Variants in PPARGC1B observed in about 807,000 individuals in gnomAD.
The protein encoded by PPARGC1B is peroxisome proliferator-activated receptor gamma coactivator 1-beta.
Under a neutral mutation model 101.6 loss-of-function variants are expected in PPARGC1B, and 34 were observed. The observed-to-expected ratio is 0.33, with a 90% CI of 0.25 to 0.45. The LOEUF is 0.45. PPARGC1B is among the 20% of genes least tolerant of loss of function. The pLI, the probability that PPARGC1B is intolerant of heterozygous loss-of-function variation, is 1.00. For synonymous variants in PPARGC1B, 548 were observed against 539.3 expected (o/e 1.02, Z -0.22); for missense variants, 1,234 against 1,317.6 (o/e 0.94, Z 0.98).
At chr5:149,750,507 G>A (rs939704032) in intron 1 of PPARGC1B, among the ~76,000 whole-genome samples, 1 of 131,454 alleles carries the variant, frequency 7.6e-6, no homozygotes, top group Admixed American at 7.8e-5. Flanking sequence ...GGGGAAGGAA[G>A]GTGTCAGTGA....
chr5:149,825,866 A>G (rs1758498389), intron 2 of PPARGC1B, among the ~76,000 whole-genome samples: 1 of 152,190 alleles, frequency 6.6e-6, no homozygotes, highest in African/African-American at 2.4e-5. Context: ...GAAATCGTGT[A>G]ACAGTAGCAG....
intron 1 of PPARGC1B, among the ~76,000 whole-genome samples, chr5:149,778,660 A>G (rs1228378555): frequency 3.9e-5 from 6 of 152,160 alleles, no homozygotes; most frequent in African/African-American, 1.2e-4. Context: ...GGGCCCTCAT[A>G]GAGCAAGGCT....
chr5:149,804,662 G>A (rs373351837), intron 1 of PPARGC1B, among the ~76,000 whole-genome samples: 3 of 152,210 alleles, frequency 2.0e-5, no homozygotes, highest in African/African-American at 4.8e-5. Flanking sequence ...AGAGTGAGAC[G>A]CTGTCTCAAA....
At chr5:149,787,532 T>C (rs929465111) in intron 1 of PPARGC1B, among the ~76,000 whole-genome samples, 4 of 152,216 alleles carry the variant, frequency 2.6e-5, no homozygotes, top group Non-Finnish European at 5.9e-5. Flanking sequence ...CACACAGAGG[T>C]GACCTGCTGA....
chr5:149,832,616 T>C lies in PPARGC1B; in HGVS notation c.583-40T>C. 1 of 1,472,300 alleles carries C rather than the reference T, an allele frequency of 6.8e-7. No homozygotes were observed. The highest frequency in any genetic ancestry group is 1.4e-5 in the South Asian group (1 of 71,178). 91.2% of individuals were successfully genotyped at this position (1,472,300 alleles called of 1,614,324 possible). A position where few individuals can be genotyped will look rare whatever the true frequency, so the allele number is the denominator to read the frequency against. On this transcript the variant is annotated intron_variant, in intron 4 of 11. Coordinates refer to ENST00000309241, the MANE Select transcript of PPARGC1B (RefSeq NM_133263.4). This position sits in a 1 kb window ranked among gnomAD's most constrained non-coding sequence, Gnocchi z 4.9. Reference sequence around the variant, plus strand: ...CGGATGAGACACATGGGAGGAGTGTTTGGGCCTCCTTCCTCACTCTGGCCT... The same window carrying C: ...CGGATGAGACACATGGGAGGAGTGTCTGGGCCTCCTTCCTCACTCTGGCCT...
At chr5:149,817,613 A>T in intron 1 of PPARGC1B, 2 of 412,250 alleles carry the variant, frequency 4.9e-6, no homozygotes, top group Non-Finnish European at 9.8e-6. Context: ...CCTCACTAAG[A>T]TGTCAACTCA....
chr5:149,842,583 A>T (rs1331727529), intron 10 of PPARGC1B, among the ~76,000 whole-genome samples: 2 of 152,248 alleles, frequency 1.3e-5, no homozygotes, highest in East Asian at 3.8e-4. Flanking sequence ...TGGTTTACGA[A>T]GTGCCAGGCA....
chr5:149,732,362 G>A (rs1414819979), intron 1 of PPARGC1B, among the ~76,000 whole-genome samples: 2 of 152,222 alleles, frequency 1.3e-5, no homozygotes, highest in African/African-American at 4.8e-5. Flanking sequence ...GCCTGAAATA[G>A]CCGGAGACTC....
At chr5:149,764,681 C>T (rs1185125893) in intron 1 of PPARGC1B, among the ~76,000 whole-genome samples, 1 of 152,134 alleles carries the variant, frequency 6.6e-6, no homozygotes, top group Non-Finnish European at 1.5e-5. Flanking sequence ...ATTTTAATAA[C>T]TTATTTAAAT....
chr5:149,818,106 TTGGGGGGCA>T (rs1220675727), intron 1 of PPARGC1B, among the ~76,000 whole-genome samples: 2 of 152,096 alleles, frequency 1.3e-5, no homozygotes, highest in Non-Finnish European at 2.9e-5. Flanking sequence ...TGATTTGTAG[TTGGGGGGCA>T]TGACAGTTGG....
At chr5:149,778,291 G>C (rs1244819870) in intron 1 of PPARGC1B, among the ~76,000 whole-genome samples, 1 of 151,952 alleles carries the variant, frequency 6.6e-6, no homozygotes, top group African/African-American at 2.4e-5. Flanking sequence ...TGGGTTCCTG[G>C]CAAGGCTTTA....
intron 1 of PPARGC1B, among the ~76,000 whole-genome samples, chr5:149,755,070 T>TATAA (rs1170289922): frequency 6.8e-6 from 1 of 146,102 alleles, no homozygotes; most frequent in African/African-American, 2.5e-5. Flanking sequence ...TATATATATA[T>TATAA]ATAATTTTTT....
chr5:149,738,605 G>T (rs927382703), intron 1 of PPARGC1B, among the ~76,000 whole-genome samples: 3 of 147,072 alleles, frequency 2.0e-5, no homozygotes, highest in African/African-American at 7.4e-5. Flanking sequence ...TCTCTGGAAA[G>T]CATTTTTTTT....
chr5:149,785,175 G>C (rs1756754200), intron 1 of PPARGC1B, among the ~76,000 whole-genome samples: 1 of 152,196 alleles, frequency 6.6e-6, no homozygotes, highest in African/African-American at 2.4e-5. Context: ...CATGTGGCCA[G>C]CCCCTCCTGG....
rs111494362 is a variant in PPARGC1B, at chr5:149,827,033, G to A, written c.465+148G>A. The A allele has an allele frequency of 8.0e-4, 532 of 668,668 alleles. 1 individual carries two copies. The African/African-American group carries it at 8.5e-3, about 11-fold the overall frequency. The allele number at this position is 668,668 out of a possible 1,614,324, so 41.4% of individuals were successfully genotyped here. A position where few individuals can be genotyped will look rare whatever the true frequency, so the allele number is the denominator to read the frequency against. On this transcript the variant is annotated intron_variant, in intron 3 of 11. Transcript: ENST00000309241. Reference sequence around the variant, plus strand: ...TTGATCACAGCAGAGAGCGTGGGCCGAAGGTGGGAGGCCCCCCTGGACTTA... The same window carrying A: ...TTGATCACAGCAGAGAGCGTGGGCCAAAGGTGGGAGGCCCCCCTGGACTTA...
intron 1 of PPARGC1B, among the ~76,000 whole-genome samples, chr5:149,781,997 A>T (rs1167136365): frequency 6.6e-6 from 1 of 152,074 alleles, no homozygotes; most frequent in Non-Finnish European, 1.5e-5. Context: ...GAATATGTGC[A>T]TTGGTGGGAA....
intron 1 of PPARGC1B, among the ~76,000 whole-genome samples, chr5:149,804,020 C>G (rs1382523096): frequency 6.6e-6 from 1 of 152,188 alleles, no homozygotes; most frequent in African/African-American, 2.4e-5. Flanking sequence ...TATCTGGGAG[C>G]CTGTGGGTCT....
intron 1 of PPARGC1B, among the ~76,000 whole-genome samples, chr5:149,744,542 C>A (rs11743128): frequency 6.6e-6 from 1 of 151,960 alleles, no homozygotes; most frequent in African/African-American, 2.4e-5. Context: ...CAGTGTTCTC[C>A]GAGAAAGCAA....
intron 1 of PPARGC1B, among the ~76,000 whole-genome samples, chr5:149,818,045 C>T (rs1019530298): frequency 2.0e-5 from 3 of 152,226 alleles, no homozygotes; most frequent in Non-Finnish European, 2.9e-5. Context: ...CAAGAGGCAG[C>T]TGAGAGAATC....
Sources: gnomAD v4.1 joint callset for allele counts (sites outside exome capture counted in the v4.1 genomes callset) on GRCh38, gnomAD v4.1.1 for gene constraint, Gnocchi (gnomAD v3.1) non-coding constraint, MANE v1.5 for transcripts, NCBI Gene and HGNC (gene_info 2026-07-23, HGNC 2026-07-21) for gene names.